The following PCDH9 variants were observed in gnomAD, a reference collection of about 807,000 sequenced individuals.
PCDH9 encodes protocadherin 9.
PCDH9 carries 24 observed loss-of-function variants against 70.6 expected under a neutral mutation model. The observed-to-expected ratio is 0.34, with a 90% CI of 0.25 to 0.48. The LOEUF is 0.48. Among genes scored for constraint, PCDH9 ranks in the 20% least tolerant of loss-of-function variants. The pLI, the probability that PCDH9 is intolerant of heterozygous loss-of-function variation, is 0.99. For synonymous variants in PCDH9, 562 were observed against 558.5 expected, an observed-to-expected ratio of 1.01 and a Z score of -0.09; for missense variants, 1,281 against 1,503.6, an observed-to-expected ratio of 0.85 and a Z score of 2.45.
At chr13:66,922,132 T>C (rs537822984) in intron 2 of PCDH9, among the ~76,000 whole-genome samples, 195 of 151,422 alleles carry the variant, frequency 1.3e-3, no homozygotes, top group African/African-American at 4.2e-3. Context: ...TATCAGAAAA[T>C]GCTCCTAACT....
intron 3 of PCDH9, among the ~76,000 whole-genome samples, chr13:66,895,727 T>C (rs1228112941): frequency 6.6e-6 from 1 of 152,240 alleles, no homozygotes; most frequent in East Asian, 1.9e-4. Flanking sequence ...TTATTTATTA[T>C]CATTTCATGT....
intron 2 of PCDH9, chr13:67,207,904 C>T (rs910675431): frequency 1.3e-5 from 2 of 152,110 alleles, no homozygotes; most frequent in African/African-American, 4.8e-5. Flanking sequence ...GGTTATGTAA[C>T]ATTGCTTTTG....
At chr13:66,906,713 T>C (rs183190862) in intron 2 of PCDH9, among the ~76,000 whole-genome samples, 4 of 152,146 alleles carry the variant, frequency 2.6e-5, no homozygotes, top group Non-Finnish European at 4.4e-5. Flanking sequence ...GGTAAATTTC[T>C]TCTGCAAATT....
intron 2 of PCDH9, among the ~76,000 whole-genome samples, chr13:67,096,222 C>T (rs1182207242): frequency 1.3e-5 from 2 of 152,094 alleles, no homozygotes; most frequent in Non-Finnish European, 2.9e-5. Context: ...TAGTGTTTCA[C>T]AGAATGCACT....
At chr13:67,150,698 T>C (rs2138384495) in intron 2 of PCDH9, among the ~76,000 whole-genome samples, 1 of 152,260 alleles carries the variant, frequency 6.6e-6, no homozygotes, top group South Asian at 2.1e-4. Context: ...CATTTGCAAC[T>C]AACATAAACT....
At chr13:66,539,461 CT>C (rs1960851801) in intron 4 of PCDH9, among the ~76,000 whole-genome samples, 1 of 152,028 alleles carries the variant, frequency 6.6e-6, no homozygotes, top group African/African-American at 2.4e-5. Flanking sequence ...GCCTTTCCCC[CT>C]TTTGCTTTGG....
intron 4 of PCDH9, among the ~76,000 whole-genome samples, chr13:66,608,599 C>T (rs2077251344): frequency 6.6e-6 from 1 of 151,642 alleles, no homozygotes; most frequent in South Asian, 2.1e-4. Context: ...AGGAAAGAGG[C>T]AAAGGGAATA....
At chr13:66,629,929 G>A (rs2138930311) in intron 4 of PCDH9, among the ~76,000 whole-genome samples, 1 of 152,276 alleles carries the variant, frequency 6.6e-6, no homozygotes, top group Middle Eastern at 3.4e-3. Flanking sequence ...CACCAGTGCT[G>A]TATTACTATC....
intron 4 of PCDH9, among the ~76,000 whole-genome samples, chr13:66,615,128 T>G (rs1204780004): frequency 2.0e-5 from 3 of 152,238 alleles, no homozygotes; most frequent in Non-Finnish European, 1.5e-5. Context: ...AGTACCTTGA[T>G]TTCTTTATTA....
chr13:66,331,914 G>A (rs1268500413), intron 4 of PCDH9, among the ~76,000 whole-genome samples: 1 of 152,176 alleles, frequency 6.6e-6, no homozygotes, highest in African/African-American at 2.4e-5. Context: ...TGGAGAGAGG[G>A]TACTGAAGGT....
intron 4 of PCDH9, among the ~76,000 whole-genome samples, chr13:66,508,138 G>A (rs1020574145): frequency 5.3e-5 from 8 of 152,170 alleles, no homozygotes; most frequent in East Asian, 3.8e-4. Context: ...AACAGTTCCT[G>A]AAACATGGTA....
intron 3 of PCDH9, among the ~76,000 whole-genome samples, chr13:66,843,175 G>A (rs1174629083): frequency 1.3e-5 from 2 of 152,198 alleles, no homozygotes; most frequent in African/African-American, 4.8e-5. Flanking sequence ...GGGTGCTACT[G>A]TATTCCCTGC....
chr13:66,958,073 A>G (rs7334023), intron 2 of PCDH9, among the ~76,000 whole-genome samples: 65,971 of 152,052 alleles, frequency 0.43, 15,378 homozygotes, highest in South Asian at 0.59. Flanking sequence ...TAGAAGAGGA[A>G]GAATTATACA....
chr13:66,827,113 A>C (rs1014233567), intron 3 of PCDH9, among the ~76,000 whole-genome samples: 1 of 152,114 alleles, frequency 6.6e-6, no homozygotes, highest in African/African-American at 2.4e-5. Context: ...ACATGAAGCA[A>C]GAGGTTGGAG....
intron 3 of PCDH9, among the ~76,000 whole-genome samples, chr13:66,809,952 G>A (rs1325992891): frequency 1.3e-5 from 2 of 151,934 alleles, no homozygotes; most frequent in African/African-American, 4.8e-5. Flanking sequence ...ACTAACTCCA[G>A]TATTGAAAAA....
chr13:66,606,996 C>T (rs113368380), intron 4 of PCDH9, among the ~76,000 whole-genome samples: 2 of 151,922 alleles, frequency 1.3e-5, no homozygotes, highest in African/African-American at 2.4e-5. Context: ...AATGGCTAAT[C>T]GGAGATTTCT....
chr13:66,539,981 T>C (rs1333917307), intron 4 of PCDH9, among the ~76,000 whole-genome samples: 1 of 150,192 alleles, frequency 6.7e-6, no homozygotes, highest in African/African-American at 2.4e-5. Context: ...GCCATGCTCC[T>C]ACCTTAGCCT....
At chr13:67,155,244 T>C (rs985765324) in intron 2 of PCDH9, among the ~76,000 whole-genome samples, 3 of 152,234 alleles carry the variant, frequency 2.0e-5, no homozygotes, top group Non-Finnish European at 4.4e-5. Flanking sequence ...CAGTATCATT[T>C]CCAAATCTTT....
chr13:66,909,996 A>T (rs1162943927), intron 2 of PCDH9, among the ~76,000 whole-genome samples: 1 of 152,122 alleles, frequency 6.6e-6, no homozygotes, highest in East Asian at 1.9e-4. Flanking sequence ...TCTTGACCCT[A>T]CAGATAATGC....
Sources: allele counts gnomAD v4.1 joint callset (sites outside exome capture counted in the v4.1 genomes callset), GRCh38; gene constraint gnomAD v4.1.1; transcripts MANE v1.5; gene names NCBI Gene and HGNC (gene_info 2026-07-23, HGNC 2026-07-21).